ERMP1: variants seen among roughly 807,000 people sequenced by gnomAD.
The protein encoded by ERMP1 is endoplasmic reticulum metallopeptidase 1, also known as Felix-ina.
Under a neutral mutation model 92.0 loss-of-function variants are expected in ERMP1, and 86 were observed. The observed-to-expected ratio is 0.93, with a 90% CI of 0.79 to 1.12. ERMP1 has a LOEUF of 1.12. Ranked by LOEUF, ERMP1 falls within the 50% of genes most tolerant of loss-of-function variation. The pLI is 0.00. For missense variants in ERMP1, 1,342 were observed against 1,116.3 expected (o/e 1.20, Z -2.88); for synonymous variants, 530 against 412.8 (o/e 1.28, Z -3.44).
chr9:5,818,791 G>C (rs564313529), intron 4 of ERMP1, among the ~76,000 whole-genome samples: 3 of 151,922 alleles, frequency 2.0e-5, no homozygotes, highest in East Asian at 1.9e-4. Context: ...TAAATTCCCA[G>C]AAATGGGTCT....
intron 8 of ERMP1, 101 bp downstream of exon 8, chr9:5,809,910 T>G (rs1227027993): frequency 5.2e-6 from 4 of 774,826 alleles, no homozygotes; most frequent in Non-Finnish European, 8.6e-6. Flanking sequence ...GCTGAACAAT[T>G]TTTTAGCACT....
At position 5,798,960 on chromosome 9, in the gene ERMP1, C is replaced by G. The variant is rs752383043; in HGVS notation, c.2116G>C (p.Asp706His). Reference protein sequence around the residue: ...HDLEGNAVKRDSGIWINGFDY... With the variant: ...HDLEGNAVKRHSGIWINGFDY... ...AACCCATTGATCCATATTCCAGAGT[C>G]CCGTTTAACTGCATTTCCTTCCAAG... The change falls in exon 12 of 15, where the codon GAC becomes CAC. Residue 706 changes from aspartate (D) to histidine (H), a missense_variant. Physicochemically the swap from Asp to His is moderately conservative, Grantham distance 81 (BLOSUM62 -1). Transcript: ENST00000339450. 8 of 1,613,750 alleles carry G rather than the reference C, an allele frequency of 5.0e-6. No individual in the cohort carries two copies.
intron 6 of ERMP1, among the ~76,000 whole-genome samples, chr9:5,850,114 C>T (rs1426368268): frequency 1.3e-5 from 2 of 152,096 alleles, no homozygotes; most frequent in African/African-American, 2.4e-5. Context: ...CCCAGGTCTC[C>T]CCCCCTTTAC....
chr9:5,809,952 G>T, intron 8 of ERMP1, 59 bp downstream of exon 8: 1 of 1,209,470 alleles, frequency 8.3e-7, no homozygotes, highest in Non-Finnish European at 1.2e-6. Context: ...TCACACTTAA[G>T]TTCATCTTCA....
At chr9:5,852,761 C>G (rs1830326201) in intron 6 of ERMP1, among the ~76,000 whole-genome samples, 1 of 151,014 alleles carries the variant, frequency 6.6e-6, no homozygotes, top group South Asian at 2.1e-4. Context: ...CTGCCTCAAA[C>G]ATGCTTTTTG....
At chr9:5,790,770 A>T (rs1303176792) in intron 13 of ERMP1, among the ~76,000 whole-genome samples, 1 of 152,234 alleles carries the variant, frequency 6.6e-6, no homozygotes, top group Non-Finnish European at 1.5e-5. Flanking sequence ...TTATAAAGAA[A>T]ACTACAGGAG....
chr9:5,823,510 T>C (rs2129643474), intron 4 of ERMP1, among the ~76,000 whole-genome samples: 1 of 152,304 alleles, frequency 6.6e-6, no homozygotes, highest in Non-Finnish European at 1.5e-5. Flanking sequence ...ACAAAGTTTC[T>C]GGACCCGGAC....
At chr9:5,798,000 C>T in intron 12 of ERMP1, 68 bp from the exon 13 acceptor site, 2 of 974,454 alleles carry the variant, frequency 2.1e-6, no homozygotes, top group South Asian at 1.3e-5. Context: ...ACTCACAGAA[C>T]TGTTCAGCAT....
intron 6 of ERMP1, among the ~76,000 whole-genome samples, chr9:5,852,098 G>T (rs1014585597): frequency 3.9e-5 from 6 of 152,024 alleles, no homozygotes; most frequent in Admixed American, 1.3e-4. Context: ...TAAAGCAAAA[G>T]GTTAAGTAAA....
At chr9:5,852,552 C>T (rs984428237) in intron 6 of ERMP1, among the ~76,000 whole-genome samples, 3 of 151,814 alleles carry the variant, frequency 2.0e-5, no homozygotes, top group Admixed American at 6.6e-5. Flanking sequence ...CACTGTACCC[C>T]ACCATAGCAG....
At chr9:5,796,336 G>A (rs1828424463) in intron 13 of ERMP1, among the ~76,000 whole-genome samples, 2 of 152,246 alleles carry the variant, frequency 1.3e-5, no homozygotes, top group African/African-American at 2.4e-5. Flanking sequence ...TTGTGGTATG[G>A]GCAAAAGAAC....
At chr9:5,820,056 T>G (rs987830777) in intron 4 of ERMP1, among the ~76,000 whole-genome samples, 3 of 152,142 alleles carry the variant, frequency 2.0e-5, no homozygotes, top group Admixed American at 1.3e-4. Flanking sequence ...TCCCAGCACT[T>G]TGGGAAACTG....
chr9:5,827,263 T>A (rs1829761788), intron 2 of ERMP1, among the ~76,000 whole-genome samples: 1 of 152,166 alleles, frequency 6.6e-6, no homozygotes, highest in East Asian at 1.9e-4. Context: ...ATTTCAGGGG[T>A]GTCCAATCTT....
At chr9:5,861,170 G>GTGTGTGTGTGTGTGTGTGT (rs1554630171) in intron 5 of ERMP1, among the ~76,000 whole-genome samples, 1 of 102,078 alleles carries the variant, frequency 9.8e-6, no homozygotes, top group African/African-American at 3.6e-5. Context: ...TGGCTTAGGG[G>GTGTGTGTGTGTGTGTGTGT]GTGTGTGTGT....
upstream of ERMP1, chr9:5,833,187 G>C (rs1459519831): frequency 1.5e-6 from 1 of 649,790 alleles, no homozygotes; most frequent in African/African-American, 1.9e-5. Flanking sequence ...CCAAGACCCA[G>C]CTTCTTTGGC....
chr9:5,823,715 G>A (rs988713247), intron 4 of ERMP1, among the ~76,000 whole-genome samples, 181 bp downstream of exon 4: 4 of 150,182 alleles, frequency 2.7e-5, no homozygotes, highest in African/African-American at 1.0e-4. Flanking sequence ...CTATACAAGT[G>A]TTAGATGCTG....
intron 9 of ERMP1, 116 bp downstream of exon 9, chr9:5,805,495 T>C (rs1828835884): frequency 2.1e-6 from 2 of 935,530 alleles, no homozygotes; most frequent in Admixed American, 3.5e-5. Context: ...ATGAAAACTT[T>C]TAAAAACTAA....
chr9:5,861,890 T>C (rs988644632), intron 5 of ERMP1, among the ~76,000 whole-genome samples: 2 of 151,820 alleles, frequency 1.3e-5, no homozygotes, highest in Admixed American at 1.3e-4. Context: ...GCCAGTTGAG[T>C]GTAGTCCCTC....
chr9:5,832,999 A>T lies in ERMP1; in HGVS notation c.29T>A (p.Val10Glu). MEWGSESAA[V>E]RRHRVGVERR... Reference sequence around the variant, plus strand: ...CTCTACTCCGACGCGGTGCCGCCTCACAGCAGCCGACTCAGAACCCCACTC... The same window carrying T: ...CTCTACTCCGACGCGGTGCCGCCTCTCAGCAGCCGACTCAGAACCCCACTC... Residue 10 changes from valine (V) to glutamate (E), a missense_variant, in exon 1 of 15, where the codon GTG (valine) becomes GAG (glutamate). Val to Glu is a moderately radical substitution (Grantham distance 121). Coordinates refer to ENST00000339450, the MANE Select transcript of ERMP1 (RefSeq NM_024896.3). 1 of 1,556,870 alleles carries T rather than the reference A, an allele frequency of 6.4e-7. No individual in the cohort carries two copies. Among genetic ancestry groups the T allele is most frequent in the Non-Finnish European group, 8.6e-7 (1 of 1,162,484 alleles).
Sources: gnomAD v4.1 joint callset for allele counts (sites outside exome capture counted in the v4.1 genomes callset) on GRCh38, gnomAD v4.1.1 for gene constraint, MANE v1.5 for transcripts, NCBI Gene and HGNC (gene_info 2026-07-23, HGNC 2026-07-21) for gene names.